PCDHA11: variants seen among roughly 807,000 people sequenced by gnomAD.
PCDHA11 encodes the protein protocadherin alpha 11, also known as protocadherin alpha-11.
Under a neutral mutation model 70.3 loss-of-function variants are expected in PCDHA11, and 61 were observed. The observed-to-expected ratio is 0.87, with a 90% CI of 0.71 to 1.07. The LOEUF (loss-of-function observed/expected upper bound fraction) is 1.07, where lower values mean the gene tolerates loss of function less well. Among genes scored for constraint, PCDHA11 ranks in the 50% least tolerant of loss-of-function variants. The pLI is 0.00. For synonymous variants in PCDHA11, 633 were observed against 555.1 expected (o/e 1.14, Z -1.97); for missense variants, 1,324 against 1,237.5 (o/e 1.07, Z -1.05).
At chr5:140,965,195 T>C (rs1368041910) in intron 1 of PCDHA11, among the ~76,000 whole-genome samples, 3 of 152,198 alleles carry the variant, frequency 2.0e-5, no homozygotes, top group Admixed American at 6.5e-5. Context: ...CATGAGGCAA[T>C]AGATTTCAAA....
chr5:140,908,287 C>G (rs781987945), intron 1 of PCDHA11, among the ~76,000 whole-genome samples: 1 of 152,136 alleles, frequency 6.6e-6, no homozygotes, highest in African/African-American at 2.4e-5. Flanking sequence ...TTGTTGCAAG[C>G]TGGGGAAGAG....
At chr5:140,910,911 T>G (rs1326687303) in intron 1 of PCDHA11, among the ~76,000 whole-genome samples, 1 of 152,170 alleles carries the variant, frequency 6.6e-6, no homozygotes, top group African/African-American at 2.4e-5. Context: ...CCTCCAGATT[T>G]TTGCTTATAT....
chr5:140,920,137 T>C (rs182001221), intron 1 of PCDHA11, among the ~76,000 whole-genome samples: 29 of 152,242 alleles, frequency 1.9e-4, no homozygotes, highest in Admixed American at 1.8e-3. Flanking sequence ...TTAATTCTCC[T>C]CTCCAAACCT....
intron 1 of PCDHA11, chr5:140,883,268 T>G: frequency 6.2e-7 from 1 of 1,614,030 alleles, no homozygotes; most frequent in Non-Finnish European, 8.5e-7. Flanking sequence ...GGCGGGTCAT[T>G]GTACCCTTTT....
chr5:140,881,398 A>G, intron 1 of PCDHA11: 1 of 975,546 alleles, frequency 1.0e-6, no homozygotes, highest in Non-Finnish European at 1.2e-6. Context: ...GTTAAATTCT[A>G]TTAAATCAAT....
chr5:140,951,365 A>G (rs987513388), intron 1 of PCDHA11, among the ~76,000 whole-genome samples: 17 of 152,160 alleles, frequency 1.1e-4, no homozygotes, highest in African/African-American at 4.1e-4. Context: ...ACTGTTATAA[A>G]GAAACACCCA....
chr5:141,000,080 G>T (rs1554257118), intron 3 of PCDHA11, among the ~76,000 whole-genome samples: 1 of 152,068 alleles, frequency 6.6e-6, no homozygotes, highest in Non-Finnish European at 1.5e-5. Context: ...ACAATGCTAG[G>T]CCTGTGAATG....
intron 3 of PCDHA11, among the ~76,000 whole-genome samples, chr5:140,996,335 T>G (rs887353118): frequency 1.3e-5 from 2 of 152,202 alleles, no homozygotes; most frequent in African/African-American, 4.8e-5. Flanking sequence ...AAGAAAAGTT[T>G]GAAAACCCAA....
intron 1 of PCDHA11, among the ~76,000 whole-genome samples, chr5:140,880,422 C>T (rs782802267): frequency 6.6e-6 from 1 of 152,252 alleles, no homozygotes; most frequent in Non-Finnish European, 1.5e-5. Flanking sequence ...AAAGCGGGAA[C>T]AGTTTTTCCT....
At chr5:140,883,190 C>G in intron 1 of PCDHA11, 1 of 1,613,818 alleles carries the variant, frequency 6.2e-7, no homozygotes, top group Non-Finnish European at 8.5e-7. Context: ...AAAAGGCAAA[C>G]TAGATTTCGA....
chr5:140,938,991 T>C (rs2092291799), intron 1 of PCDHA11, among the ~76,000 whole-genome samples: 2 of 152,230 alleles, frequency 1.3e-5, no homozygotes, highest in South Asian at 2.1e-4. Context: ...TGGCTTTATA[T>C]AGTAAGTTAA....
At chr5:141,002,052 G>GGCA (rs1217531547) in intron 3 of PCDHA11, among the ~76,000 whole-genome samples, 1 of 152,206 alleles carries the variant, frequency 6.6e-6, no homozygotes, top group Non-Finnish European at 1.5e-5. Flanking sequence ...GGCATCCAGA[G>GGCA]GCAGCAGCAG....
At chr5:140,953,580 A>G (rs1053710021) in intron 1 of PCDHA11, among the ~76,000 whole-genome samples, 23 of 151,934 alleles carry the variant, frequency 1.5e-4, no homozygotes, top group Non-Finnish European at 2.4e-4. Context: ...CTCTCCCAAA[A>G]CTGCCTCCTT....
intron 1 of PCDHA11, chr5:140,883,585 C>T (rs782326010): frequency 4.3e-6 from 7 of 1,613,932 alleles, no homozygotes; most frequent in East Asian, 4.5e-5. Flanking sequence ...GGGCCACGGC[C>T]AGCGTGTCGG....
At position 140,876,586 on chromosome 5, in the gene PCDHA11, A is replaced by C. The variant is rs782256478; in HGVS notation, c.2391+5092A>C. 3 of 1,614,148 alleles carry C rather than the reference A, an allele frequency of 1.9e-6. No individual in the cohort carries two copies. The South Asian group carries it at 3.3e-5, about 18-fold the overall frequency. On this transcript the variant is annotated intron_variant, in intron 1 of 3. Transcript: ENST00000398640. Reference sequence around the variant, plus strand: ...TCAGGTGGGTACCGTCATTGCCCTGATTAGCGTGTCGGATCGTGACTCTGG... The same window carrying C: ...TCAGGTGGGTACCGTCATTGCCCTGCTTAGCGTGTCGGATCGTGACTCTGG...
chr5:140,987,636 C>A (rs569411440), intron 3 of PCDHA11, among the ~76,000 whole-genome samples: 1 of 152,256 alleles, frequency 6.6e-6, no homozygotes, highest in African/African-American at 2.4e-5. Context: ...TGAGATAATG[C>A]ACACATATTG....
At chr5:141,008,863 C>A (rs902385521) in intron 3 of PCDHA11, among the ~76,000 whole-genome samples, 2 of 152,204 alleles carry the variant, frequency 1.3e-5, no homozygotes, top group African/African-American at 2.4e-5. Flanking sequence ...CTCTTCCATG[C>A]TGCATCCCAC....
At chr5:140,901,922 G>A (rs2068984254) in intron 1 of PCDHA11, among the ~76,000 whole-genome samples, 2 of 151,732 alleles carry the variant, frequency 1.3e-5, no homozygotes. Flanking sequence ...TCACTTCTTT[G>A]GTTAATTCCT....
intron 1 of PCDHA11, chr5:140,884,466 C>G (rs1212644572): frequency 2.5e-6 from 4 of 1,613,646 alleles, no homozygotes; most frequent in Non-Finnish European, 3.4e-6. Flanking sequence ...GGCGCGTGCG[C>G]GCCGGGCAAG....
Sources: allele counts gnomAD v4.1 joint callset (sites outside exome capture counted in the v4.1 genomes callset), GRCh38; gene constraint gnomAD v4.1.1; transcripts MANE v1.5; gene names NCBI Gene and HGNC (gene_info 2026-07-23, HGNC 2026-07-21).